INHBB: variants seen among roughly 807,000 people sequenced by gnomAD.
The protein encoded by INHBB is inhibin subunit beta B.
Under a neutral mutation model 28.9 loss-of-function variants are expected in INHBB, and 8 were observed. The observed-to-expected ratio is 0.28, with a 90% CI of 0.16 to 0.50. The LOEUF is 0.50. Among genes scored for constraint, INHBB ranks in the 20% least tolerant of loss-of-function variants. The pLI, the probability that INHBB is intolerant of heterozygous loss-of-function variation, is 0.98. For synonymous variants in INHBB, 293 were observed against 262.7 expected, an observed-to-expected ratio of 1.12 and a Z score of -1.12; for missense variants, 499 against 597.8, an observed-to-expected ratio of 0.83 and a Z score of 1.72.
At position 120,346,482 on chromosome 2, in the gene INHBB, G is replaced by T. The variant is rs1260325702; in HGVS notation, c.294G>T (p.Val98=). 2.6e-6 allele frequency: 4 copies of T among 1,556,822 alleles called. No homozygotes were observed. The highest frequency in any genetic ancestry group is 3.4e-6 in the Non-Finnish European group (4 of 1,160,030). The part of the protein sequence containing the change: ...MRGRPNITHA[V]PKAAMVTALR... The stretch of plus-strand genomic sequence containing the variant: ...GCCGGCCCAACATCACGCACGCCGT[G>T]CCTAAGGCCGCCATGGTCACGGCCC... The change falls in exon 1 of 2, where the codon GTG becomes GTT. Residue 98 remains valine, a synonymous_variant. Transcript: ENST00000295228.
intron 1 of INHBB, among the ~76,000 whole-genome samples, chr2:120,347,680 G>A (rs1691185241): frequency 6.6e-6 from 1 of 152,198 alleles, no homozygotes. Context: ...TCGGTGGGGG[G>A]AGCGGTTGTG....
In INHBB at chr2:120,346,641, G is replaced by A; in HGVS notation, c.448+5G>A. The A allele has an allele frequency of 1.4e-6, 2 of 1,429,226 alleles. No individual in the cohort carries two copies. The highest frequency in any genetic ancestry group is 1.8e-6 in the Non-Finnish European group (2 of 1,097,500). The allele number at this position is 1,429,226 out of a possible 1,614,324, so 88.5% of individuals were successfully genotyped here. On this transcript the variant is annotated splice_donor_5th_base_variant and intron_variant, in intron 1 of 1. Coordinates refer to ENST00000295228, the MANE Select transcript of INHBB (RefSeq NM_002193.4). ...TCATCAGCTTCGCCGAGACAGGTGG[G>A]TCCGGCCCTCCGGCTGTCTGCCGCG...
chr2:120,347,647 A>T (rs1353084884), intron 1 of INHBB, among the ~76,000 whole-genome samples: 1 of 152,164 alleles, frequency 6.6e-6, no homozygotes, highest in Non-Finnish European at 1.5e-5. Flanking sequence ...CGGTGCAGTT[A>T]GGGCGGGGGC....
Position 120,350,111 on chromosome 2 carries a change from C to T in INHBB, c.*237C>T, listed in dbSNP as rs936678817. 9.5e-6 allele frequency: 5 copies of T among 525,646 alleles called. No individual in the cohort carries two copies. Among genetic ancestry groups the T allele is most frequent in the Admixed American group, 3.6e-5 (1 of 28,152 alleles). 32.6% of individuals were successfully genotyped at this position (525,646 alleles called of 1,614,324 possible). A position where few individuals can be genotyped will look rare whatever the true frequency, so the allele number is the denominator to read the frequency against. ...ATACTTTAAAATGCACACGTAGCCA[C>T]GCACAGCCAGACGCATCCTGCCACC... On this transcript the variant is annotated 3_prime_UTR_variant, in exon 2 of 2. Transcript: ENST00000295228.
At chr2:120,347,477 T>C (rs1691180077) in intron 1 of INHBB, among the ~76,000 whole-genome samples, 1 of 151,136 alleles carries the variant, frequency 6.6e-6, no homozygotes, top group Admixed American at 6.6e-5. Context: ...TTCGGAACTT[T>C]AAAAGAAGGA....
chr2:120,349,998 T>C lies in INHBB; in HGVS notation c.*124T>C, dbSNP rs1417330291. ...CAGTCATTCTGTTGGGCTGTGGAGA[T>C]AGTGCCAGGGTGCGGCCTGAGATAT... On this transcript the variant is annotated 3_prime_UTR_variant, in exon 2 of 2. Transcript: ENST00000295228. This position sits in a 1 kb window ranked among gnomAD's most constrained non-coding sequence, Gnocchi z 5.6. 3.1e-6 allele frequency: 3 copies of C among 965,814 alleles called. No individual in the cohort carries two copies. Among genetic ancestry groups the C allele is most frequent in the Admixed American group, 5.5e-5 (2 of 36,562 alleles). The allele number at this position is 965,814 out of a possible 1,614,324, so 59.8% of individuals were successfully genotyped here. A position where few individuals can be genotyped will look rare whatever the true frequency, so the allele number is the denominator to read the frequency against.
chr2:120,346,843 C>T (rs1225835691), intron 1 of INHBB, among the ~76,000 whole-genome samples: 2 of 152,226 alleles, frequency 1.3e-5, no homozygotes, highest in African/African-American at 4.8e-5. Context: ...TTGCCTGCTG[C>T]CTCAACCCCC....
At chr2:120,347,099 C>G (rs866245662) in intron 1 of INHBB, among the ~76,000 whole-genome samples, 3 of 151,688 alleles carry the variant, frequency 2.0e-5, no homozygotes, top group South Asian at 4.2e-4. Context: ...GTGTGTGTGT[C>G]TGTGTGTGTG....
chr2:120,347,406 CG>C (rs1479837761), intron 1 of INHBB, among the ~76,000 whole-genome samples: 21 of 148,630 alleles, frequency 1.4e-4, no homozygotes, highest in Non-Finnish European at 2.8e-4. Flanking sequence ...CCCCCCCCCC[CG>C]GCCCCAGATT....
chr2:120,347,706 G>T (rs899337026), intron 1 of INHBB, among the ~76,000 whole-genome samples: 1 of 152,150 alleles, frequency 6.6e-6, no homozygotes, highest in African/African-American at 2.4e-5. Flanking sequence ...GGCTGCAAAT[G>T]CCCCCCACCC....
chr2:120,348,984 G>A (rs1371490690), intron 1 of INHBB, 115 bp from the exon 2 acceptor site: 20 of 1,234,238 alleles, frequency 1.6e-5, no homozygotes, highest in Non-Finnish European at 1.9e-5. Context: ...GGTCAGTAAC[G>A]TTTTCCAGCT....
At chr2:120,346,699 C>T (rs1691162263) in intron 1 of INHBB, 63 bp downstream of exon 1, 6 of 1,345,284 alleles carry the variant, frequency 4.5e-6, no homozygotes, top group Non-Finnish European at 5.7e-6. Flanking sequence ...CCTCTCCTTG[C>T]TAGCTCCGGC....
rs1340250898 is a variant in INHBB at position 120,351,675 on chromosome 2, G to A, written c.*1801G>A. 6.6e-6 allele frequency: 1 copy of A among 152,178 alleles called. No individual in the cohort carries two copies. The highest frequency in any genetic ancestry group is 2.4e-5 in the African/African-American group (1 of 41,444). 9.4% of individuals were successfully genotyped at this position (152,178 alleles called of 1,614,324 possible). On this transcript the variant is annotated 3_prime_UTR_variant, in exon 2 of 2. Coordinates refer to ENST00000295228, the MANE Select transcript of INHBB (RefSeq NM_002193.4). ...TGTATCCTTAAATCCTCATCTTTAT[G>A]TTTATTTAATAAAGCTCCCCTTAGA...
rs1268390406 is a variant in INHBB at position 120,351,664 on chromosome 2, C to T, written c.*1790C>T. 1 of 152,202 alleles carries T rather than the reference C, an allele frequency of 6.6e-6. No homozygotes were observed. Among genetic ancestry groups the T allele is most frequent in the Non-Finnish European group, 1.5e-5 (1 of 68,038 alleles). The allele number at this position is 152,202 out of a possible 1,614,324, so 9.4% of individuals were successfully genotyped here. On this transcript the variant is annotated 3_prime_UTR_variant, in exon 2 of 2. Coordinates refer to ENST00000295228, the MANE Select transcript of INHBB (RefSeq NM_002193.4). ...GAATGCAGGTGTGTATCCTTAAATCCTCATCTTTATGTTTATTTAATAAAG... is the reference window on the plus strand; with the variant it reads ...GAATGCAGGTGTGTATCCTTAAATCTTCATCTTTATGTTTATTTAATAAAG...
At chr2:120,347,863 AAGC>A (rs1691189365) in intron 1 of INHBB, among the ~76,000 whole-genome samples, 1 of 152,204 alleles carries the variant, frequency 6.6e-6, no homozygotes, top group Non-Finnish European at 1.5e-5. Flanking sequence ...GAGTCAGGGA[AAGC>A]TCGCCATGCA....
In INHBB at chr2:120,349,106, C is replaced by T. The variant is rs145813735; in HGVS notation, c.456C>T (p.Leu152=). The T allele has an allele frequency of 1.6e-5, 25 of 1,598,702 alleles. No homozygotes were observed. The African/African-American group carries it at 2.3e-4, about 15-fold the overall frequency. Residue 152 remains leucine (L), a synonymous_variant, in exon 2 of 2, where the codon CTC becomes CTT. Coordinates refer to ENST00000295228, the MANE Select transcript of INHBB (RefSeq NM_002193.4). The surrounding 1 kb of genome is among the most constrained non-coding windows in gnomAD (Gnocchi z 5.6). ...CCTTCCCCTTTTCCGCAGATGGCCT[C>T]GCCTCCTCCCGGGTCCGCCTATACT... ...EIISFAETDG[L]ASSRVRLYFF...
At chr2:120,346,940 G>T (rs1691166742) in intron 1 of INHBB, among the ~76,000 whole-genome samples, 1 of 152,234 alleles carries the variant, frequency 6.6e-6, no homozygotes, top group Non-Finnish European at 1.5e-5. Context: ...CGGCAGATGC[G>T]CGCGGCCCTG....
intron 1 of INHBB, among the ~76,000 whole-genome samples, chr2:120,348,462 C>G (rs1489397841): frequency 9.2e-5 from 14 of 151,964 alleles, no homozygotes; most frequent in Admixed American, 9.2e-4. Context: ...GCTGAATGTC[C>G]TGTCCCTTGA....
intron 1 of INHBB, among the ~76,000 whole-genome samples, chr2:120,347,399 C>T (rs866300962): frequency 0.031 from 4,570 of 147,660 alleles, 250 homozygotes; most frequent in African/African-American, 0.1. Context: ...GAATCCGCCC[C>T]CCCCCCCGGC....
Sources: allele counts gnomAD v4.1 joint callset (sites outside exome capture counted in the v4.1 genomes callset), GRCh38; gene constraint gnomAD v4.1.1; non-coding constraint Gnocchi (gnomAD v3.1); transcripts MANE v1.5; gene names NCBI Gene and HGNC (gene_info 2026-07-23, HGNC 2026-07-21).